Variants in ICA1 observed in about 807,000 individuals in gnomAD.
The protein encoded by ICA1 is islet cell autoantigen 1.
ICA1 carries 40 observed loss-of-function variants against 71.0 expected under a neutral mutation model. That is an observed-to-expected ratio of 0.56 (90% confidence interval 0.44 to 0.73). The LOEUF (loss-of-function observed/expected upper bound fraction) is 0.73, where lower values mean the gene tolerates loss of function less well. Among genes scored for constraint, ICA1 ranks in the 30% least tolerant of loss-of-function variants. ICA1 has a pLI of 0.00. For missense variants in ICA1, 578 were observed against 576.5 expected (o/e 1.00, Z -0.03); for synonymous variants, 207 against 209.5 (o/e 0.99, Z 0.10).
intron 8 of ICA1, among the ~76,000 whole-genome samples, chr7:8,147,288 A>G (rs2128143400): frequency 6.6e-6 from 1 of 151,514 alleles, no homozygotes; most frequent in East Asian, 1.9e-4. Context: ...CTCCTTTTCA[A>G]CCCCTTCCCC....
At chr7:8,172,056 T>C (rs1473570694) in intron 6 of ICA1, among the ~76,000 whole-genome samples, 1 of 152,036 alleles carries the variant, frequency 6.6e-6, no homozygotes, top group African/African-American at 2.4e-5. Context: ...TCATGTGCAC[T>C]TGAAAAGAAC....
chr7:8,164,859 C>G (rs1356935157), intron 6 of ICA1, among the ~76,000 whole-genome samples: 1 of 152,110 alleles, frequency 6.6e-6, no homozygotes, highest in Non-Finnish European at 1.5e-5. Flanking sequence ...GGGTGGACTG[C>G]TTGAGCCCAG....
At chr7:8,164,950 GCC>G (rs1326262099) in intron 6 of ICA1, among the ~76,000 whole-genome samples, 2 of 152,144 alleles carry the variant, frequency 1.3e-5, no homozygotes, top group Admixed American at 6.5e-5. Context: ...GGTGGCACCT[GCC>G]TGTAGTCCTA....
In ICA1 at chr7:8,130,599, T is replaced by C. The variant is rs532339191; in HGVS notation, c.1061-2457A>G. ...CTATTGAAACCAAGTCAAGTCAATGTGTAGACCCTGGAGGAGCAGATAATT... is the reference window on the plus strand; with the variant it reads ...CTATTGAAACCAAGTCAAGTCAATGCGTAGACCCTGGAGGAGCAGATAATT... On this transcript the variant is annotated intron_variant, in intron 12 of 13. Coordinates refer to ENST00000402384, the MANE Select transcript of ICA1 (RefSeq NM_001136020.3). The surrounding 1 kb of genome is among the most constrained non-coding windows in gnomAD (Gnocchi z 4.2). 6.6e-6 allele frequency among the ~76,000 whole-genome samples: 1 copy of C among 152,346 alleles called. No individual in the cohort carries two copies. Among genetic ancestry groups the C allele is most frequent in the Admixed American group, 6.5e-5 (1 of 15,308 alleles).
chr7:8,162,513 T>A (rs946908227), intron 6 of ICA1, among the ~76,000 whole-genome samples: 1 of 152,172 alleles, frequency 6.6e-6, no homozygotes, highest in African/African-American at 2.4e-5. Context: ...ACCAAGGACA[T>A]AGCCAAGCAT....
intron 6 of ICA1, among the ~76,000 whole-genome samples, chr7:8,209,037 A>C (rs1481833822): frequency 6.6e-6 from 1 of 152,228 alleles, no homozygotes; most frequent in Non-Finnish European, 1.5e-5. Context: ...CCAAGCTTGC[A>C]TGTGCCACCC....
At chr7:8,149,614 TCA>T (rs1427307913) in intron 8 of ICA1, among the ~76,000 whole-genome samples, 4 of 152,318 alleles carry the variant, frequency 2.6e-5, no homozygotes, top group African/African-American at 9.6e-5. Context: ...AAAACAAATT[TCA>T]CAGACACAAG....
intron 7 of ICA1, 115 bp from the exon 8 acceptor site, chr7:8,157,329 T>A (rs1801985860): frequency 2.0e-6 from 2 of 1,021,478 alleles, no homozygotes; most frequent in Admixed American, 3.0e-5. Flanking sequence ...TGATTCTAAC[T>A]CATTTCCATG....
Position 8,173,577 on chromosome 7 carries a change from C to T in ICA1, c.580-14925G>A, listed in dbSNP as rs1393426113. Among the ~76,000 whole-genome samples the T allele has an allele frequency of 3.3e-5, 5 of 152,262 alleles. No individual in the cohort carries two copies. Among genetic ancestry groups the T allele is most frequent in the East Asian group, 1.9e-4 (1 of 5,196 alleles). ...CTATCAAACTGTCTGTGCTTCAGGA[C>T]GACCGGATAATTGACAAGGGAGTTA... On this transcript the variant is annotated intron_variant, in intron 6 of 13. Coordinates refer to ENST00000402384, the MANE Select transcript of ICA1 (RefSeq NM_001136020.3). The surrounding 1 kb of genome is among the most constrained non-coding windows in gnomAD (Gnocchi z 4.0).
At chr7:8,194,888 G>C (rs191154536) in intron 6 of ICA1, among the ~76,000 whole-genome samples, 1 of 152,030 alleles carries the variant, frequency 6.6e-6, no homozygotes, top group African/African-American at 2.4e-5. Flanking sequence ...CACTTAATAG[G>C]TGCTTCAAAA....
Position 8,234,683 on chromosome 7 carries a change from G to T in ICA1, c.17+1227C>A, listed in dbSNP as rs1801294725. ...AGTAGGATTATGGGAGACTTTCATG[G>T]TCTACTTTATATCTTTCTGCATTAT... is the stretch of plus-strand genomic sequence containing the variant. On this transcript the variant is annotated intron_variant, in intron 2 of 13. Transcript: ENST00000402384. This position sits in a 1 kb window ranked among gnomAD's most constrained non-coding sequence, Gnocchi z 4.5. Among the ~76,000 whole-genome samples, 1 of 152,150 alleles carries T rather than the reference G, an allele frequency of 6.6e-6. No individual in the cohort carries two copies. The highest frequency in any genetic ancestry group is 1.5e-5 in the Non-Finnish European group (1 of 68,042).
intron 6 of ICA1, among the ~76,000 whole-genome samples, chr7:8,198,097 T>C (rs1562957351): frequency 6.6e-6 from 1 of 152,226 alleles, no homozygotes; most frequent in Non-Finnish European, 1.5e-5. Context: ...AGCCAAAATA[T>C]GGAAGCAGAA....
intron 6 of ICA1, among the ~76,000 whole-genome samples, chr7:8,199,243 G>A (rs1439524362): frequency 2.0e-5 from 3 of 152,164 alleles, no homozygotes; most frequent in African/African-American, 7.2e-5. Context: ...CCAAAAGAAA[G>A]GAAATCAGTA....
intron 3 of ICA1, among the ~76,000 whole-genome samples, chr7:8,231,460 A>G (rs574089429): frequency 6.6e-6 from 1 of 152,332 alleles, no homozygotes; most frequent in East Asian, 1.9e-4. Context: ...ATATGTTAGT[A>G]TAATATTTAT....
intron 10 of ICA1, among the ~76,000 whole-genome samples, chr7:8,140,930 A>G (rs1411888546): frequency 6.6e-6 from 1 of 152,200 alleles, no homozygotes. Context: ...ATCTTCCAGG[A>G]AGGTACCACA....
chr7:8,259,526 C>A (rs1212340221), intron 1 of ICA1, among the ~76,000 whole-genome samples: 2 of 152,198 alleles, frequency 1.3e-5, no homozygotes, highest in East Asian at 3.8e-4. Flanking sequence ...ATACGGATAG[C>A]ATATGTTTAG....
intron 10 of ICA1, among the ~76,000 whole-genome samples, chr7:8,139,812 C>A (rs1432329426): frequency 1.3e-5 from 2 of 152,152 alleles, no homozygotes; most frequent in African/African-American, 4.8e-5. Flanking sequence ...CCTAACTTTG[C>A]TGTGAACCAA....
At chr7:8,140,971 G>A (rs1795034888) in intron 10 of ICA1, among the ~76,000 whole-genome samples, 1 of 152,206 alleles carries the variant, frequency 6.6e-6, no homozygotes, top group Non-Finnish European at 1.5e-5. Context: ...AGATGCATAT[G>A]TCCCCAGGGG....
At chr7:8,260,338 A>T (rs1034407405) in intron 1 of ICA1, among the ~76,000 whole-genome samples, 1 of 152,158 alleles carries the variant, frequency 6.6e-6, no homozygotes, top group Non-Finnish European at 1.5e-5. Flanking sequence ...TGCGGTAAAG[A>T]TGCGTAGAGA....
Sources: allele counts gnomAD v4.1 joint callset (sites outside exome capture counted in the v4.1 genomes callset), GRCh38; gene constraint gnomAD v4.1.1; non-coding constraint Gnocchi (gnomAD v3.1); transcripts MANE v1.5; gene names NCBI Gene and HGNC (gene_info 2026-07-23, HGNC 2026-07-21).